VAV2: variants seen among roughly 807,000 people sequenced by gnomAD.
VAV2 encodes the protein vav guanine nucleotide exchange factor 2, also known as guanine nucleotide exchange factor VAV2.
In VAV2, 67 loss-of-function variants were observed where a neutral mutation model predicts 132.5. The observed-to-expected ratio is 0.51, with a 90% CI of 0.42 to 0.62. The LOEUF is 0.62. VAV2 is among the 20% of genes least tolerant of loss of function. The probability of loss-of-function intolerance (pLI) is 0.00; values close to 1 mark genes in which losing one functional copy is unlikely to be tolerated. For missense variants in VAV2, 938 were observed against 1,153.6 expected, an observed-to-expected ratio of 0.81 and a Z score of 2.71; for synonymous variants, 492 against 443.5, an observed-to-expected ratio of 1.11 and a Z score of -1.37.
intron 2 of VAV2, among the ~76,000 whole-genome samples, chr9:133,888,475 G>A (rs745317894): frequency 1.3e-5 from 2 of 152,226 alleles, no homozygotes; most frequent in Non-Finnish European, 2.9e-5. Context: ...GGCCAAACAC[G>A]GACAGGCAGG....
chr9:133,962,235 T>G (rs1841989700), intron 1 of VAV2, among the ~76,000 whole-genome samples: 2 of 151,948 alleles, frequency 1.3e-5, no homozygotes, highest in South Asian at 4.2e-4. Context: ...GGACCCCAGA[T>G]TCAATGACCA....
At chr9:133,938,194 G>A (rs149249108) in intron 2 of VAV2, among the ~76,000 whole-genome samples, 1 of 152,306 alleles carries the variant, frequency 6.6e-6, no homozygotes, top group Non-Finnish European at 1.5e-5. Context: ...CCCATCAGCA[G>A]GTGGAAATCC....
chr9:133,906,550 C>T (rs1461092928), intron 2 of VAV2, among the ~76,000 whole-genome samples: 2 of 152,338 alleles, frequency 1.3e-5, no homozygotes, highest in East Asian at 1.9e-4. Flanking sequence ...CCCGATCAGC[C>T]GGCAATGAAA....
At chr9:133,767,519 A>G (rs1833476138) in intron 29 of VAV2, among the ~76,000 whole-genome samples, 3 of 152,202 alleles carry the variant, frequency 2.0e-5, no homozygotes, top group Non-Finnish European at 4.4e-5. Flanking sequence ...AGCTTCAGGC[A>G]CTTTTAATGC....
chr9:133,866,712 A>T (rs1210983889), intron 2 of VAV2, among the ~76,000 whole-genome samples: 1 of 151,728 alleles, frequency 6.6e-6, no homozygotes, highest in Non-Finnish European at 1.5e-5. Flanking sequence ...AGGCTGAGGC[A>T]GGAGAATGGC....
chr9:133,882,747 C>T (rs991715276), intron 2 of VAV2, among the ~76,000 whole-genome samples: 3 of 152,154 alleles, frequency 2.0e-5, no homozygotes, highest in African/African-American at 7.2e-5. Context: ...ATAAATGTCA[C>T]AAACACAGCG....
chr9:133,909,289 C>G lies in VAV2; in HGVS notation c.321+29814G>C, dbSNP rs187085987. 2.9e-3 allele frequency among the ~76,000 whole-genome samples: 448 copies of G among 152,278 alleles called. 2 individuals carry two copies. Among genetic ancestry groups the G allele is most frequent in the Non-Finnish European group, 5.2e-3 (354 of 68,030 alleles). On this transcript the variant is annotated intron_variant, in intron 2 of 29. Coordinates refer to ENST00000371850, the MANE Select transcript of VAV2 (RefSeq NM_001134398.2). ...AAGATGTGAGCGGCCTCCCCCAAGT[C>G]CCTGGCCTGGAAGCCACTCACAGAG...
Position 133,763,872 on chromosome 9 carries a change from GGTCGCC to G in VAV2, c.*184_*189del. On this transcript the variant is annotated 3_prime_UTR_variant, in exon 30 of 30. Coordinates refer to ENST00000371850, the MANE Select transcript of VAV2 (RefSeq NM_001134398.2). The surrounding 1 kb of genome is among the most constrained non-coding windows in gnomAD (Gnocchi z 6.8). ...ATGTACAATAGCATACCCAGTGATG[GGTCGCC>G]GAGGGCAGGCTGACAGTGAAACGGT... is the stretch of plus-strand genomic sequence containing the variant. 9.0e-6 allele frequency: 6 copies of G among 667,990 alleles called. No individual in the cohort carries two copies. Among genetic ancestry groups the G allele is most frequent in the Non-Finnish European group, 1.5e-5 (6 of 390,302 alleles). 41.4% of individuals were successfully genotyped at this position (667,990 alleles called of 1,614,324 possible). A position where few individuals can be genotyped will look rare whatever the true frequency, so the allele number is the denominator to read the frequency against.
At position 133,785,904 on chromosome 9, in the gene VAV2, C is replaced by A; in HGVS notation, c.1423-19G>T. ...AGGACCACTGCAGGGGGGAGAGGGG[C>A]CATGCTTGCAATAGACACGGCTTCA... On this transcript the variant is annotated intron_variant, in intron 16 of 29. Coordinates refer to ENST00000371850, the MANE Select transcript of VAV2 (RefSeq NM_001134398.2). The A allele has an allele frequency of 6.2e-7, 1 of 1,606,446 alleles. No individual in the cohort carries two copies. Among genetic ancestry groups the A allele is most frequent in the Non-Finnish European group, 8.5e-7 (1 of 1,174,506 alleles).
chr9:133,921,879 T>C (rs1840308397), intron 2 of VAV2, among the ~76,000 whole-genome samples: 1 of 152,252 alleles, frequency 6.6e-6, no homozygotes, highest in Non-Finnish European at 1.5e-5. Context: ...TTGTGCTGGA[T>C]GCGAGTGTGG....
At position 133,809,073 on chromosome 9, in the gene VAV2, G is replaced by A; in HGVS notation, c.633C>T (p.Ala211=). 1 of 1,614,026 alleles carries A rather than the reference G, an allele frequency of 6.2e-7. No homozygotes were observed. The highest frequency in any genetic ancestry group is 8.5e-7 in the Non-Finnish European group (1 of 1,179,956). Residue 211 remains alanine (A), a synonymous_variant, in exon 7 of 30, where the codon GCC becomes GCT. Coordinates refer to ENST00000371850, the MANE Select transcript of VAV2 (RefSeq NM_001134398.2). ...TGTCCTCCAGGGTGCGGTAGTACTT[G>A]GCCTCGGTCTCCTGGATCTCCAGCA... is the stretch of plus-strand genomic sequence containing the variant. ...CCLLEIQETE[A]KYYRTLEDIE... is the part of the protein sequence containing the mutation.
At position 133,873,171 on chromosome 9, in the gene VAV2, T is replaced by C. The variant is rs367933830; in HGVS notation, c.322-11739A>G. Among the ~76,000 whole-genome samples, 490 of 152,152 alleles carry C rather than the reference T, an allele frequency of 3.2e-3. 2 individuals carry two copies. The highest frequency in any genetic ancestry group is 0.011 in the African/African-American group (475 of 41,494). On this transcript the variant is annotated intron_variant, in intron 2 of 29. Coordinates refer to ENST00000371850, the MANE Select transcript of VAV2 (RefSeq NM_001134398.2). ...CACAACAGCAACTGGGCTCACATGT[T>C]AGCTGAGTGCCTGCTCTGTGCTGGG...
chr9:133,886,871 G>A (rs1838731848), intron 2 of VAV2, among the ~76,000 whole-genome samples: 1 of 152,242 alleles, frequency 6.6e-6, no homozygotes, highest in African/African-American at 2.4e-5. Context: ...CCCCTGGCTT[G>A]GGGCAGGTGG....
intron 5 of VAV2, among the ~76,000 whole-genome samples, chr9:133,810,974 G>A (rs532611840): frequency 5.4e-4 from 83 of 152,312 alleles, no homozygotes; most frequent in Non-Finnish European, 9.1e-4. Context: ...CAGACGGCTC[G>A]CCGGCCGCCT....
At chr9:133,945,535 C>T (rs1841328493) in intron 1 of VAV2, among the ~76,000 whole-genome samples, 1 of 152,244 alleles carries the variant, frequency 6.6e-6, no homozygotes, top group Admixed American at 6.5e-5. Flanking sequence ...TGAACCCAGG[C>T]CCGGTTCCTC....
chr9:133,987,229 T>C (rs1463405581), intron 1 of VAV2, among the ~76,000 whole-genome samples: 1 of 151,930 alleles, frequency 6.6e-6, no homozygotes, highest in Non-Finnish European at 1.5e-5. Context: ...GCTGCTGAGT[T>C]TTGCAGAAGG....
intron 2 of VAV2, among the ~76,000 whole-genome samples, chr9:133,876,377 G>A (rs1296060040): frequency 6.6e-6 from 1 of 152,238 alleles, no homozygotes; most frequent in African/African-American, 2.4e-5. Context: ...AGAGTGGTAG[G>A]GGGCAAGGGA....
chr9:133,903,114 G>A (rs1208860929), intron 2 of VAV2, among the ~76,000 whole-genome samples: 2 of 150,072 alleles, frequency 1.3e-5, no homozygotes, highest in Non-Finnish European at 3.0e-5. Context: ...TTTGGACACA[G>A]AGATAGGCAC....
In VAV2 at chr9:133,858,073, G is replaced by A. The variant is rs148193292; in HGVS notation, c.380+3301C>T. Among the ~76,000 whole-genome samples, 651 of 152,338 alleles carry A rather than the reference G, an allele frequency of 4.3e-3. 2 individuals are homozygous for A. Among genetic ancestry groups the A allele is most frequent in the African/African-American group, 8.0e-3 (331 of 41,568 alleles). ...GGGGTGCTCAACCCCTCCACATGCCGAAGACAAGACTGGCTCTTGCTCAGC... is the reference window on the plus strand; with the variant it reads ...GGGGTGCTCAACCCCTCCACATGCCAAAGACAAGACTGGCTCTTGCTCAGC... On this transcript the variant is annotated intron_variant, in intron 3 of 29. Coordinates refer to ENST00000371850, the MANE Select transcript of VAV2 (RefSeq NM_001134398.2).
Sources: gnomAD v4.1 joint callset for allele counts (sites outside exome capture counted in the v4.1 genomes callset) on GRCh38, gnomAD v4.1.1 for gene constraint, Gnocchi (gnomAD v3.1) non-coding constraint, MANE v1.5 for transcripts, NCBI Gene and HGNC (gene_info 2026-07-23, HGNC 2026-07-21) for gene names.